Variants in GMPR observed in about 807,000 individuals in gnomAD.
GMPR encodes guanosine monophosphate reductase, also known as GMP reductase 1.
A neutral mutation model predicts 38.4 loss-of-function variants in GMPR; 31 were observed. The observed-to-expected ratio is 0.81, with a 90% CI of 0.61 to 1.09. GMPR has a LOEUF of 1.09. Ranked by LOEUF, GMPR falls within the 50% of genes least tolerant of loss-of-function variation. The pLI is 0.00. For missense variants in GMPR, 468 were observed against 453.7 expected (o/e 1.03, Z -0.29); for synonymous variants, 162 against 173.3 (o/e 0.93, Z 0.51).
chr6:16,241,369 C>T (rs555713951), intron 1 of GMPR, among the ~76,000 whole-genome samples: 56 of 152,288 alleles, frequency 3.7e-4, no homozygotes, highest in African/African-American at 1.3e-3. Context: ...CCCTCAGAAG[C>T]TTCAGGACTC....
chr6:16,290,708 T>G (rs1759825620), intron 8 of GMPR, 87 bp downstream of exon 8: 4 of 1,115,368 alleles, frequency 3.6e-6, no homozygotes, highest in Non-Finnish European at 5.3e-6. Flanking sequence ...GAATAGCAGC[T>G]CTGTGTATAT....
At position 16,244,791 on chromosome 6, in the gene GMPR, G is replaced by T. The variant is rs532026117; in HGVS notation, c.88-2051G>T. On this transcript the variant is annotated intron_variant, in intron 1 of 8. Coordinates refer to ENST00000259727, the MANE Select transcript of GMPR (RefSeq NM_006877.4). ...GCCTGGGTTATGTGTGTGTGTCTGGGTGGATAAAGTTGGGGAAGATCATTT... is the reference window on the plus strand; with the variant it reads ...GCCTGGGTTATGTGTGTGTGTCTGGTTGGATAAAGTTGGGGAAGATCATTT... 1.6e-3 allele frequency among the ~76,000 whole-genome samples: 244 copies of T among 152,306 alleles called. 1 individual carries two copies. Among genetic ancestry groups the T allele is most frequent in the Non-Finnish European group, 3.0e-3 (203 of 68,026 alleles).
At chr6:16,239,841 G>T (rs1360552264) in intron 1 of GMPR, among the ~76,000 whole-genome samples, 1 of 152,266 alleles carries the variant, frequency 6.6e-6, no homozygotes, top group East Asian at 1.9e-4. Context: ...TAAACCAAGT[G>T]GCCTTCTGTA....
intron 8 of GMPR, among the ~76,000 whole-genome samples, chr6:16,291,939 A>G (rs1357147469): frequency 6.6e-6 from 1 of 151,760 alleles, no homozygotes; most frequent in Non-Finnish European, 1.5e-5. Flanking sequence ...TGATGACAGT[A>G]TACTCGCTGC....
Position 16,285,845 on chromosome 6 carries a change from G to C in GMPR, c.697+10G>C. On this transcript the variant is annotated intron_variant, in intron 7 of 8. Transcript: ENST00000259727. ...GTCGCCAAAGCCTTTGGTAAGGCCGGGCCCTGGTGCAGAGGGAGGGAAGGA... is the reference window on the plus strand; with the variant it reads ...GTCGCCAAAGCCTTTGGTAAGGCCGCGCCCTGGTGCAGAGGGAGGGAAGGA... 6.2e-7 allele frequency: 1 copy of C among 1,606,474 alleles called. No individual in the cohort carries two copies. Among genetic ancestry groups the C allele is most frequent in the African/African-American group, 1.3e-5 (1 of 74,866 alleles).
chr6:16,264,920 C>T (rs1759161117), intron 4 of GMPR, among the ~76,000 whole-genome samples: 1 of 151,970 alleles, frequency 6.6e-6, no homozygotes, highest in Non-Finnish European at 1.5e-5. Flanking sequence ...GGCCTTGCCA[C>T]ATAGGGGTAG....
chr6:16,261,222 A>G (rs895414143), intron 4 of GMPR, among the ~76,000 whole-genome samples: 3 of 151,814 alleles, frequency 2.0e-5, no homozygotes, highest in Admixed American at 1.3e-4. Flanking sequence ...TTTTGTAAGG[A>G]ATTGAGGTTT....
chr6:16,251,920 G>A lies in GMPR; in HGVS notation c.291+1553G>A, dbSNP rs529686313. ...GCACTTGCTCCTGCCACATTCAGGT[G>A]GTTCTGAGCTGAAGCCACAGACAGG... is the stretch of plus-strand genomic sequence containing the variant. On this transcript the variant is annotated intron_variant, in intron 3 of 8. Coordinates refer to ENST00000259727, the MANE Select transcript of GMPR (RefSeq NM_006877.4). 3.3e-5 allele frequency among the ~76,000 whole-genome samples: 5 copies of A among 152,260 alleles called. No individual in the cohort carries two copies. The East Asian group carries it at 9.6e-4, about 29-fold the overall frequency.
At position 16,290,656 on chromosome 6, in the gene GMPR, C is replaced by T. The variant is rs115088802; in HGVS notation, c.857+35C>T. On this transcript the variant is annotated intron_variant, in intron 8 of 8. Coordinates refer to ENST00000259727, the MANE Select transcript of GMPR (RefSeq NM_006877.4). ...TGACCCCGGGGCGCACCCTCGAGGCCTGGCCTTGCTTTTCTTACGGAGATG... is the reference window on the plus strand; with the variant it reads ...TGACCCCGGGGCGCACCCTCGAGGCTTGGCCTTGCTTTTCTTACGGAGATG... 5.7e-4 allele frequency: 899 copies of T among 1,590,578 alleles called. 1 individual carries two copies. In the African/African-American group the frequency reaches 0.01, roughly 18 times the overall value.
chr6:16,244,034 C>T (rs1758708782), intron 1 of GMPR, among the ~76,000 whole-genome samples: 1 of 151,390 alleles, frequency 6.6e-6, no homozygotes, highest in South Asian at 2.1e-4. Context: ...GAGGGGTGGA[C>T]TGGGGGCCAG....
intron 8 of GMPR, among the ~76,000 whole-genome samples, 168 bp downstream of exon 8, chr6:16,290,789 G>T (rs1408968146): frequency 6.6e-6 from 1 of 152,178 alleles, no homozygotes; most frequent in African/African-American, 2.4e-5. Context: ...GCAGTGTTTG[G>T]GGTTCCCAAA....
intron 7 of GMPR, among the ~76,000 whole-genome samples, chr6:16,289,237 T>C (rs1233542383): frequency 5.9e-5 from 9 of 152,164 alleles, no homozygotes; most frequent in African/African-American, 1.9e-4. Flanking sequence ...CGCCACCTTA[T>C]AGAGCTGTTA....
intron 1 of GMPR, among the ~76,000 whole-genome samples, chr6:16,243,478 G>A (rs1158634431): frequency 6.6e-6 from 1 of 152,090 alleles, no homozygotes; most frequent in Non-Finnish European, 1.5e-5. Flanking sequence ...AAAGGCTGGG[G>A]GCCAGAACAC....
intron 4 of GMPR, among the ~76,000 whole-genome samples, chr6:16,268,424 C>T (rs1421727747): frequency 6.6e-6 from 1 of 152,124 alleles, no homozygotes; most frequent in Non-Finnish European, 1.5e-5. Context: ...AAGTGATTCT[C>T]CTGAGTAGCA....
At chr6:16,245,671 G>A (rs1311315636) in intron 1 of GMPR, among the ~76,000 whole-genome samples, 2 of 152,154 alleles carry the variant, frequency 1.3e-5, no homozygotes, top group East Asian at 1.9e-4. Flanking sequence ...AATTGAATGC[G>A]GGGCATTCTG....
At chr6:16,247,112 G>T in intron 2 of GMPR, 151 bp downstream of exon 2, 1 of 694,478 alleles carries the variant, frequency 1.4e-6, no homozygotes, top group Non-Finnish European at 2.3e-6. Context: ...TCAGAAAGTG[G>T]ACGGTGTCTG....
At chr6:16,289,701 T>G (rs1261893059) in intron 7 of GMPR, 1 of 152,148 alleles carries the variant, frequency 6.6e-6, no homozygotes, top group African/African-American at 2.4e-5. Flanking sequence ...CTTCAGTCTG[T>G]TCTGAGGCTT....
intron 1 of GMPR, among the ~76,000 whole-genome samples, chr6:16,244,150 G>C (rs1333015244): frequency 6.7e-6 from 1 of 148,826 alleles, no homozygotes; most frequent in Non-Finnish European, 1.5e-5. Flanking sequence ...GTAGCAGTTT[G>C]TTCGTTGGAC....
chr6:16,276,925 T>C (rs1016591961), intron 5 of GMPR, among the ~76,000 whole-genome samples: 2 of 152,218 alleles, frequency 1.3e-5, no homozygotes, highest in Admixed American at 6.5e-5. Flanking sequence ...TGTGTGTTAT[T>C]TGAAGCTTCT....
Sources: allele counts gnomAD v4.1 joint callset (sites outside exome capture counted in the v4.1 genomes callset), GRCh38; gene constraint gnomAD v4.1.1; transcripts MANE v1.5; gene names NCBI Gene and HGNC (gene_info 2026-07-23, HGNC 2026-07-21).